The following DENND5A variants were observed in gnomAD, a reference collection of about 807,000 sequenced individuals.
The protein encoded by DENND5A is DENN domain-containing protein 5A.
A neutral mutation model predicts 140.3 loss-of-function variants in DENND5A; 64 were observed. That is an observed-to-expected ratio of 0.46 (90% confidence interval 0.37 to 0.56). The LOEUF is 0.56. Among genes scored for constraint, DENND5A ranks in the 20% least tolerant of loss-of-function variants. DENND5A has a pLI of 0.00. For synonymous variants in DENND5A, 605 were observed against 607.7 expected (o/e 1.00, Z 0.07); for missense variants, 1,292 against 1,593.8 (o/e 0.81, Z 3.22).
At position 9,142,040 on chromosome 11, in the gene DENND5A, T is replaced by C; in HGVS notation, c.3580A>G (p.Arg1194Gly). ...EVVPEENWHTRARNFCRFVTA... is the reference protein window; with the variant it reads ...EVVPEENWHTGARNFCRFVTA... ...ACAAATCGGCAGAAGTTCCGGGCTC[T>C]TGTATGCCAGTTTTCCTCAGGGACT... Residue 1194 changes from arginine (R) to glycine (G), a missense_variant, in exon 22 of 23, where the codon AGA becomes GGA. Arg to Gly is a moderately radical substitution (Grantham distance 125, BLOSUM62 -2). Around this residue, in one of 4 missense-constraint regions of DENND5A, gnomAD observed 498 missense variants for 689.7 expected, o/e 0.72. Coordinates refer to ENST00000328194, the MANE Select transcript of DENND5A (RefSeq NM_015213.4). 1.2e-6 allele frequency: 2 copies of C among 1,606,700 alleles called. No homozygotes were observed. The highest frequency in any genetic ancestry group is 1.7e-6 in the Non-Finnish European group (2 of 1,176,642).
intron 1 of DENND5A, among the ~76,000 whole-genome samples, chr11:9,260,474 C>G (rs568770950): frequency 7.2e-5 from 11 of 152,228 alleles, no homozygotes; most frequent in African/African-American, 2.2e-4. Context: ...ATCTGCCTCC[C>G]CACTTACGAT....
chr11:9,240,126 G>C (rs1191327123), intron 1 of DENND5A, among the ~76,000 whole-genome samples: 1 of 152,110 alleles, frequency 6.6e-6, no homozygotes. Context: ...ACTGATCCTA[G>C]GCTGGGCGTG....
intron 5 of DENND5A, among the ~76,000 whole-genome samples, chr11:9,189,094 A>G (rs953741040): frequency 6.6e-6 from 1 of 152,094 alleles, no homozygotes; most frequent in African/African-American, 2.4e-5. Flanking sequence ...CAGCCTAGGG[A>G]CTTGGTGCCC....
chr11:9,148,491 A>C (rs1335986929), intron 15 of DENND5A, among the ~76,000 whole-genome samples: 1 of 152,214 alleles, frequency 6.6e-6, no homozygotes, highest in Non-Finnish European at 1.5e-5. Context: ...AATTTAGTGC[A>C]GGTGAGAAGT....
At chr11:9,238,186 T>C (rs959846125) in intron 1 of DENND5A, among the ~76,000 whole-genome samples, 10 of 152,094 alleles carry the variant, frequency 6.6e-5, no homozygotes, top group Non-Finnish European at 1.3e-4. Context: ...TTCAGGAGCA[T>C]ACTCACGATA....
rs1279410184 is a variant in DENND5A at position 9,145,818 on chromosome 11, G to A, written c.2858-3C>T. 1.2e-6 allele frequency: 2 copies of A among 1,614,114 alleles called. No homozygotes were observed. Among genetic ancestry groups the A allele is most frequent in the South Asian group, 1.1e-5 (1 of 91,066 alleles). On this transcript the variant is annotated splice_polypyrimidine_tract_variant and splice_region_variant and intron_variant, in intron 16 of 22. Coordinates refer to ENST00000328194, the MANE Select transcript of DENND5A (RefSeq NM_015213.4). ...GATCAGAATGTGGTACGGGATCACT[G>A]TTTAGGGGAAGCCACAAAAGTATTG...
chr11:9,194,460 T>C (rs1484808624), intron 4 of DENND5A, among the ~76,000 whole-genome samples: 1 of 151,682 alleles, frequency 6.6e-6, no homozygotes, highest in Non-Finnish European at 1.5e-5. Flanking sequence ...TCCCAGCTAC[T>C]TGGGAGGCTG....
intron 4 of DENND5A, among the ~76,000 whole-genome samples, chr11:9,202,897 A>G (rs1849569293): frequency 1.3e-5 from 2 of 152,106 alleles, no homozygotes; most frequent in Admixed American, 1.3e-4. Context: ...CCCAAATACT[A>G]TCCCTTTCCC....
intron 11 of DENND5A, among the ~76,000 whole-genome samples, chr11:9,165,556 C>A (rs1275563606): frequency 1.3e-5 from 2 of 152,092 alleles, no homozygotes; most frequent in Admixed American, 6.6e-5. Flanking sequence ...CCTCCCACTT[C>A]AACCTCCCAA....
At chr11:9,220,936 G>C (rs755440129) in intron 1 of DENND5A, among the ~76,000 whole-genome samples, 18 of 151,160 alleles carry the variant, frequency 1.2e-4, no homozygotes, top group Non-Finnish European at 2.2e-4. Flanking sequence ...ACATAAATTA[G>C]CCAGGCATAG....
intron 22 of DENND5A, 118 bp from the exon 23 acceptor site, chr11:9,139,972 G>T: frequency 8.9e-7 from 1 of 1,124,106 alleles, no homozygotes; most frequent in South Asian, 1.5e-5. Context: ...GAAGCTGACA[G>T]CCCCCCACAC....
At position 9,222,681 on chromosome 11, in the gene DENND5A, A is replaced by T. The variant is rs969164299; in HGVS notation, c.110-15049T>A. Among the ~76,000 whole-genome samples the T allele has an allele frequency of 2.0e-5, 3 of 152,218 alleles. No homozygotes were observed. In the East Asian group the frequency reaches 5.8e-4, roughly 29 times the overall value. ...GAATAGAACCAGATACGATTTTCAA[A>T]ATATTTAACAATCTGGGCAGTGTGA... On this transcript the variant is annotated intron_variant, in intron 1 of 22. Transcript: ENST00000328194.
At chr11:9,174,970 T>G (rs1381117956) in intron 8 of DENND5A, among the ~76,000 whole-genome samples, 1 of 150,256 alleles carries the variant, frequency 6.7e-6, no homozygotes, top group Non-Finnish European at 1.5e-5. Context: ...AATAAATAAA[T>G]AAGAAGAAGA....
intron 13 of DENND5A, among the ~76,000 whole-genome samples, chr11:9,151,016 T>A (rs1178905558): frequency 2.6e-5 from 4 of 152,204 alleles, no homozygotes; most frequent in Non-Finnish European, 5.9e-5. Flanking sequence ...TTCCCCCACT[T>A]AACAGAGAAG....
intron 1 of DENND5A, among the ~76,000 whole-genome samples, chr11:9,236,301 G>A (rs7942119): frequency 0.046 from 6,920 of 151,912 alleles, 507 homozygotes; most frequent in African/African-American, 0.16. Context: ...GGAGGCCGAG[G>A]CAGGCGTATC....
chr11:9,176,508 T>G (rs1848549603), intron 8 of DENND5A, among the ~76,000 whole-genome samples: 1 of 152,208 alleles, frequency 6.6e-6, no homozygotes, highest in Non-Finnish European at 1.5e-5. Flanking sequence ...CAATCATTTG[T>G]GTAGATTATA....
rs1003612431 is a variant in DENND5A at position 9,206,662 on chromosome 11, C to A, written c.291+11G>T. 6.3e-7 allele frequency: 1 copy of A among 1,581,962 alleles called. No individual in the cohort carries two copies. The highest frequency in any genetic ancestry group is 1.3e-5 in the African/African-American group (1 of 74,238). On this transcript the variant is annotated intron_variant, in intron 3 of 22. Transcript: ENST00000328194. Reference sequence around the variant, plus strand: ...TAAATTATCTCATACTTGTGGCTAACAAATACCAACCATTCCTACTGCATC... The same window carrying A: ...TAAATTATCTCATACTTGTGGCTAAAAAATACCAACCATTCCTACTGCATC...
intron 1 of DENND5A, among the ~76,000 whole-genome samples, chr11:9,237,798 G>T (rs143079316): frequency 1.9e-4 from 29 of 151,704 alleles, no homozygotes; most frequent in African/African-American, 6.8e-4. Flanking sequence ...CAGTAGAATC[G>T]CTTGAACCCA....
At chr11:9,259,074 A>T (rs980605357) in intron 1 of DENND5A, among the ~76,000 whole-genome samples, 1 of 152,202 alleles carries the variant, frequency 6.6e-6, no homozygotes, top group African/African-American at 2.4e-5. Flanking sequence ...CAGCCTGACC[A>T]ACATGGTGAA....
Sources: allele counts gnomAD v4.1 joint callset (sites outside exome capture counted in the v4.1 genomes callset), GRCh38; gene constraint gnomAD v4.1.1; regional missense constraint gnomAD v4.1.1; transcripts MANE v1.5; gene names NCBI Gene and HGNC (gene_info 2026-07-23, HGNC 2026-07-21).